SMARCC1: variants seen among roughly 807,000 people sequenced by gnomAD.
SMARCC1 encodes the protein SWI/SNF complex subunit SMARCC1.
Under a neutral mutation model 147.4 loss-of-function variants are expected in SMARCC1, and 43 were observed. The ratio of observed to expected loss-of-function variants is 0.29; its 90% confidence interval spans 0.23 to 0.38. The LOEUF (loss-of-function observed/expected upper bound fraction) is 0.38. Ranked by LOEUF, SMARCC1 falls within the 10% of genes least tolerant of loss-of-function variation. SMARCC1 has a pLI of 1.00. For synonymous variants in SMARCC1, 495 were observed against 484.4 expected (o/e 1.02, Z -0.29); for missense variants, 1,119 against 1,381.1 (o/e 0.81, Z 3.01).
intron 25 of SMARCC1, among the ~76,000 whole-genome samples, chr3:47,617,883 G>A (rs2032667986): frequency 2.0e-5 from 3 of 152,178 alleles, no homozygotes; most frequent in African/African-American, 7.2e-5. Flanking sequence ...CAGAAGGGAT[G>A]TGACTCGTAT....
chr3:47,722,964 G>A (rs1196130731), intron 6 of SMARCC1, among the ~76,000 whole-genome samples: 6 of 152,166 alleles, frequency 3.9e-5, no homozygotes, highest in East Asian at 1.9e-4. Flanking sequence ...GGGGATGACT[G>A]AATAATTGCA....
At chr3:47,708,445 A>AT (rs1031655863) in intron 9 of SMARCC1, among the ~76,000 whole-genome samples, 7 of 152,024 alleles carry the variant, frequency 4.6e-5, no homozygotes, top group African/African-American at 1.4e-4. Flanking sequence ...CCAACCCTTA[A>AT]TTTTTTAACA....
At chr3:47,606,659 T>C (rs1356631514) in intron 26 of SMARCC1, among the ~76,000 whole-genome samples, 6 of 152,214 alleles carry the variant, frequency 3.9e-5, no homozygotes, top group Non-Finnish European at 8.8e-5. Flanking sequence ...AAACTTCCTC[T>C]TAAAAGTTTA....
intron 21 of SMARCC1, among the ~76,000 whole-genome samples, chr3:47,645,078 A>T (rs1201066993): frequency 3.9e-5 from 6 of 152,110 alleles, no homozygotes; most frequent in Non-Finnish European, 8.8e-5. Context: ...AGAGACTAGG[A>T]GTTTGAGAAC....
chr3:47,760,313 A>C (rs1004429979), intron 2 of SMARCC1, among the ~76,000 whole-genome samples: 5 of 152,154 alleles, frequency 3.3e-5, no homozygotes, highest in African/African-American at 1.2e-4. Context: ...CTGTCTCAAA[A>C]AAATTAAAAA....
At chr3:47,714,727 G>C (rs2106802795) in intron 7 of SMARCC1, among the ~76,000 whole-genome samples, 1 of 152,284 alleles carries the variant, frequency 6.6e-6, no homozygotes, top group South Asian at 2.1e-4. Context: ...CCAGGAGGCA[G>C]AGGTTGCAGT....
chr3:47,729,165 A>T, intron 5 of SMARCC1, 71 bp from the exon 6 acceptor site: 1 of 901,892 alleles, frequency 1.1e-6, no homozygotes, highest in Non-Finnish European at 1.8e-6. Context: ...CCAGATACAA[A>T]TTCCATACAA....
intron 6 of SMARCC1, among the ~76,000 whole-genome samples, chr3:47,728,078 C>CCTT (rs1215988172): frequency 8.8e-5 from 5 of 56,860 alleles, no homozygotes; most frequent in East Asian, 7.0e-4. Flanking sequence ...TTATTAGTCC[C>CCTT]TTTTTTTTTT....
intron 12 of SMARCC1, 102 bp from the exon 13 acceptor site, chr3:47,689,526 G>C (rs1041530030): frequency 5.4e-5 from 52 of 956,756 alleles, no homozygotes; most frequent in Admixed American, 1.1e-4. Flanking sequence ...CAGAGAAAAG[G>C]AATGAAATAG....
intron 2 of SMARCC1, among the ~76,000 whole-genome samples, chr3:47,759,729 G>GT (rs2034751354): frequency 6.6e-6 from 1 of 151,580 alleles, no homozygotes; most frequent in African/African-American, 2.4e-5. Flanking sequence ...GAGGTCAGGA[G>GT]TTCAAGACCA....
chr3:47,775,083 G>A (rs1247085694), intron 1 of SMARCC1, among the ~76,000 whole-genome samples: 1 of 151,936 alleles, frequency 6.6e-6, no homozygotes, highest in Non-Finnish European at 1.5e-5. Flanking sequence ...TGGGATTAGA[G>A]GCATAAGGTA....
At position 47,736,015 on chromosome 3, in the gene SMARCC1, A is replaced by C; in HGVS notation, c.576+19T>G. ...AAGTGATCGTGTCTATTATTATCTGAAGTGATTGTGTCTATTACCTGATGT... is the reference window on the plus strand; with the variant it reads ...AAGTGATCGTGTCTATTATTATCTGCAGTGATTGTGTCTATTACCTGATGT... On this transcript the variant is annotated intron_variant, in intron 5 of 27. Transcript: ENST00000254480. The C allele has an allele frequency of 8.4e-7, 1 of 1,192,574 alleles. No homozygotes were observed. Among genetic ancestry groups the C allele is most frequent in the Non-Finnish European group, 1.2e-6 (1 of 819,556 alleles). 73.9% of individuals were successfully genotyped at this position (1,192,574 alleles called of 1,614,324 possible). A position where few individuals can be genotyped will look rare whatever the true frequency, so the allele number is the denominator to read the frequency against.
At chr3:47,696,076 A>AG (rs2033847796) in intron 11 of SMARCC1, among the ~76,000 whole-genome samples, 5 of 120,212 alleles carry the variant, frequency 4.2e-5, no homozygotes, top group African/African-American at 1.7e-4. Context: ...CAAAAAAAAA[A>AG]AGGGGGGGGG....
intron 2 of SMARCC1, among the ~76,000 whole-genome samples, chr3:47,766,196 T>C (rs2034838110): frequency 6.6e-6 from 1 of 152,162 alleles, no homozygotes; most frequent in Admixed American, 6.6e-5. Flanking sequence ...CTTAACCTTC[T>C]ATATTTCTTA....
chr3:47,695,762 C>CAAA (rs755840430), intron 11 of SMARCC1, among the ~76,000 whole-genome samples: 7 of 59,918 alleles, frequency 1.2e-4, no homozygotes, highest in Admixed American at 4.6e-4. Context: ...GATTCTGTCT[C>CAAA]AAAAAAAAAA....
intron 4 of SMARCC1, among the ~76,000 whole-genome samples, chr3:47,736,961 G>A (rs1300860860): frequency 6.6e-6 from 1 of 152,068 alleles, no homozygotes; most frequent in Non-Finnish European, 1.5e-5. Flanking sequence ...ACACAAATAA[G>A]GACATTAAGC....
chr3:47,773,683 G>A (rs540086192), intron 1 of SMARCC1, among the ~76,000 whole-genome samples: 333 of 151,920 alleles, frequency 2.2e-3, no homozygotes, highest in Non-Finnish European at 3.6e-3. Context: ...AGGTTGGAGT[G>A]CAATGGCATC....
intron 21 of SMARCC1, among the ~76,000 whole-genome samples, chr3:47,657,601 T>C (rs2033280024): frequency 6.6e-6 from 1 of 152,026 alleles, no homozygotes; most frequent in Admixed American, 6.6e-5. Flanking sequence ...AGTTCCGAGA[T>C]GAGCCTGGCC....
intron 5 of SMARCC1, among the ~76,000 whole-genome samples, chr3:47,733,658 G>A (rs750371472): frequency 2.0e-5 from 3 of 151,792 alleles, no homozygotes; most frequent in Non-Finnish European, 4.4e-5. Flanking sequence ...AGGCCGAGGC[G>A]GGCGGATCAC....
Sources: allele counts gnomAD v4.1 joint callset (sites outside exome capture counted in the v4.1 genomes callset), GRCh38; gene constraint gnomAD v4.1.1; transcripts MANE v1.5; gene names NCBI Gene and HGNC (gene_info 2026-07-23, HGNC 2026-07-21).